Variants in HHLA2 observed in about 807,000 individuals in gnomAD.
The protein encoded by HHLA2 is HERV-H LTR-associating protein 2.
In HHLA2, 48 loss-of-function variants were observed where a neutral mutation model predicts 45.9. The ratio of observed to expected loss-of-function variants is 1.05; its 90% confidence interval spans 0.83 to 1.33. The LOEUF (loss-of-function observed/expected upper bound fraction) is 1.33. HHLA2 is among the 40% of genes most tolerant of loss of function. The probability of loss-of-function intolerance (pLI) is 0.00; values close to 1 mark genes in which losing one functional copy is unlikely to be tolerated. For synonymous variants in HHLA2, 161 were observed against 173.9 expected, an observed-to-expected ratio of 0.93 and a Z score of 0.59; for missense variants, 462 against 494.3, an observed-to-expected ratio of 0.93 and a Z score of 0.62.
chr3:108,378,111 C>A (rs1048789093), exon 11 of HHLA2: 1 of 152,194 alleles, frequency 6.6e-6, no homozygotes, highest in African/African-American at 2.4e-5. Flanking sequence ...TTCTCCCCAC[C>A]CTTGAGAATG....
In HHLA2 at chr3:108,366,782, T is replaced by C. The variant is rs116353752; in HGVS notation, c.1108+4336T>C. Among the ~76,000 whole-genome samples the C allele has an allele frequency of 7.7e-3, 1,173 of 152,384 alleles. 24 individuals are homozygous for C. Among genetic ancestry groups the C allele is most frequent in the African/African-American group, 0.027 (1,119 of 41,586 alleles). On this transcript the variant is annotated intron_variant, in intron 8 of 10. Transcript: ENST00000619531. ...TAGAGGTGTTTATAGTATTCTCTAA[T>C]AGTAGCTTGTATTTCTGTGGGATCA... is the stretch of plus-strand genomic sequence containing the variant.
At chr3:108,352,878 C>G (rs540077557) in intron 4 of HHLA2, among the ~76,000 whole-genome samples, 1 of 152,316 alleles carries the variant, frequency 6.6e-6, no homozygotes, top group South Asian at 2.1e-4. Context: ...CCCTTTTGGA[C>G]TCCTCCTGCT....
intron 2 of HHLA2, among the ~76,000 whole-genome samples, chr3:108,317,638 G>A (rs530343043): frequency 1.4e-3 from 212 of 150,028 alleles, no homozygotes; most frequent in African/African-American, 4.6e-3. Context: ...GCAGTGGCAC[G>A]TTCTTGGCTC....
chr3:108,321,220 C>G (rs916140031), intron 2 of HHLA2, among the ~76,000 whole-genome samples: 3 of 151,672 alleles, frequency 2.0e-5, no homozygotes, highest in Admixed American at 6.6e-5. Flanking sequence ...TTTGGAATGT[C>G]TGTTCACCAT....
At chr3:108,331,859 C>T (rs2107382912) in intron 3 of HHLA2, among the ~76,000 whole-genome samples, 2 of 152,248 alleles carry the variant, frequency 1.3e-5, no homozygotes, top group East Asian at 3.9e-4. Context: ...TCCCCCTCCC[C>T]ATTCTACCTT....
intron 2 of HHLA2, chr3:108,328,255 A>T: frequency 7.5e-7 from 1 of 1,340,084 alleles, no homozygotes; most frequent in Non-Finnish European, 9.9e-7. Flanking sequence ...CCTTAATCTA[A>T]TTTTATCCAC....
At chr3:108,316,140 C>T (rs573987045) in intron 2 of HHLA2, among the ~76,000 whole-genome samples, 7 of 150,732 alleles carry the variant, frequency 4.6e-5, no homozygotes, top group Middle Eastern at 3.5e-3. Flanking sequence ...ATATTCCAGC[C>T]GGAAAAGTCA....
At chr3:108,317,916 TCA>T (rs1325007554) in intron 2 of HHLA2, among the ~76,000 whole-genome samples, 1 of 151,954 alleles carries the variant, frequency 6.6e-6, no homozygotes, top group Non-Finnish European at 1.5e-5. Context: ...GCATGGTGGC[TCA>T]CACCTATAAT....
At chr3:108,313,955 C>A (rs1014903611) in intron 2 of HHLA2, among the ~76,000 whole-genome samples, 3 of 152,106 alleles carry the variant, frequency 2.0e-5, no homozygotes, top group Non-Finnish European at 2.9e-5. Context: ...CCAACTAAGT[C>A]CTTCTTAATT....
chr3:108,371,892 C>G (rs2082181625), intron 8 of HHLA2, among the ~76,000 whole-genome samples: 1 of 152,100 alleles, frequency 6.6e-6, no homozygotes, highest in Admixed American at 6.5e-5. Context: ...CTTTAACACC[C>G]CACTGTCAAC....
chr3:108,300,283 G>A (rs1394563184), intron 1 of HHLA2, among the ~76,000 whole-genome samples: 1 of 152,142 alleles, frequency 6.6e-6, no homozygotes, highest in Non-Finnish European at 1.5e-5. Flanking sequence ...AGGCAGGGTG[G>A]GAAGAAACAG....
At chr3:108,314,597 G>A (rs1038110717) in intron 2 of HHLA2, among the ~76,000 whole-genome samples, 6 of 152,070 alleles carry the variant, frequency 3.9e-5, no homozygotes, top group South Asian at 2.1e-4. Flanking sequence ...CAACCTCCCC[G>A]GTCAAAAGGA....
chr3:108,329,712 G>T (rs1296599820), intron 3 of HHLA2, among the ~76,000 whole-genome samples: 1 of 152,128 alleles, frequency 6.6e-6, no homozygotes, highest in Non-Finnish European at 1.5e-5. Context: ...CCCTCTCTTT[G>T]TGGGCGTGTT....
At chr3:108,308,219 G>T (rs565334505) in intron 1 of HHLA2, among the ~76,000 whole-genome samples, 2 of 152,186 alleles carry the variant, frequency 1.3e-5, no homozygotes, top group African/African-American at 4.8e-5. Flanking sequence ...TGAGTTTAAT[G>T]GTTTTGATTT....
At chr3:108,307,028 G>A (rs531700033) in intron 1 of HHLA2, among the ~76,000 whole-genome samples, 1 of 152,104 alleles carries the variant, frequency 6.6e-6, no homozygotes, top group Admixed American at 6.5e-5. Flanking sequence ...GCTAACTTTT[G>A]TGTTTTTAGT....
chr3:108,304,727 T>C (rs1373354836), intron 1 of HHLA2, among the ~76,000 whole-genome samples: 4 of 152,180 alleles, frequency 2.6e-5, no homozygotes, highest in African/African-American at 7.2e-5. Flanking sequence ...AATGGTCTGT[T>C]CTGCAGATCG....
exon 5 of HHLA2, chr3:108,353,721 C>A (rs375854823): frequency 6.2e-7 from 1 of 1,613,392 alleles, no homozygotes; most frequent in African/African-American, 1.3e-5. Flanking sequence ...GGAATTTACA[C>A]CTGCTATGTA....
chr3:108,304,194 A>C (rs2080892131), intron 1 of HHLA2, among the ~76,000 whole-genome samples: 1 of 152,178 alleles, frequency 6.6e-6, no homozygotes, highest in Non-Finnish European at 1.5e-5. Flanking sequence ...ACTCCTTCCC[A>C]GTCAAGAAAG....
chr3:108,308,208 A>G (rs545509630), intron 1 of HHLA2, among the ~76,000 whole-genome samples: 4 of 152,122 alleles, frequency 2.6e-5, no homozygotes, highest in Non-Finnish European at 4.4e-5. Flanking sequence ...CTCCAGGCCC[A>G]TGAGTTTAAT....
Sources: gnomAD v4.1 joint callset for allele counts (sites outside exome capture counted in the v4.1 genomes callset) on GRCh38, gnomAD v4.1.1 for gene constraint, MANE v1.5 for transcripts, NCBI Gene and HGNC (gene_info 2026-07-23, HGNC 2026-07-21) for gene names.